Variants in AGBL4 observed in about 807,000 individuals in gnomAD.
AGBL4 encodes the protein AGBL carboxypeptidase 4.
A neutral mutation model predicts 66.4 loss-of-function variants in AGBL4; 58 were observed. That is an observed-to-expected ratio of 0.87 (90% CI 0.71 to 1.09). AGBL4 has a LOEUF of 1.09. Among genes scored for constraint, AGBL4 ranks in the 50% least tolerant of loss-of-function variants. AGBL4 has a pLI of 0.00. For synonymous variants in AGBL4, 234 were observed against 222.9 expected, an observed-to-expected ratio of 1.05 and a Z score of -0.44; for missense variants, 579 against 631.0, an observed-to-expected ratio of 0.92 and a Z score of 0.88.
chr1:49,095,918 G>A (rs1645090316), intron 4 of AGBL4, among the ~76,000 whole-genome samples: 1 of 151,722 alleles, frequency 6.6e-6, no homozygotes, highest in Non-Finnish European at 1.5e-5. Flanking sequence ...CAAAATGGGA[G>A]AAAATTTTTG....
At chr1:49,667,380 C>T (rs564345010) in intron 3 of AGBL4, among the ~76,000 whole-genome samples, 32 of 152,082 alleles carry the variant, frequency 2.1e-4, no homozygotes, top group African/African-American at 7.5e-4. Context: ...ATCACCTGAG[C>T]CGGGGAGGTC....
At chr1:49,153,549 AAT>A (rs1425343781) in intron 4 of AGBL4, among the ~76,000 whole-genome samples, 3 of 152,104 alleles carry the variant, frequency 2.0e-5, no homozygotes, top group African/African-American at 7.2e-5. Flanking sequence ...ACCACCATCT[AAT>A]AGAGTAAGTA....
chr1:48,674,616 T>A (rs1646335537), intron 6 of AGBL4, among the ~76,000 whole-genome samples: 1 of 152,164 alleles, frequency 6.6e-6, no homozygotes. Context: ...ACTAGCTGTG[T>A]TGTCTTGGGA....
intron 9 of AGBL4, among the ~76,000 whole-genome samples, chr1:48,625,786 G>A (rs554196372): frequency 6.6e-6 from 1 of 152,244 alleles, no homozygotes; most frequent in South Asian, 2.1e-4. Context: ...AATTGAAGGA[G>A]GCAACCTGCT....
chr1:49,463,712 A>T lies in AGBL4; in HGVS notation c.283-217848T>A, dbSNP rs1646564770. Among the ~76,000 whole-genome samples the T allele has an allele frequency of 1.3e-5, 2 of 151,824 alleles. 1 individual carries two copies. The highest frequency in any genetic ancestry group is 4.8e-5 in the African/African-American group (2 of 41,388). ...CTGACATAATAAGTAACTCACAAAC[A>T]AGGGGAGAGCCACATATTAATTTAA... On this transcript the variant is annotated intron_variant, in intron 3 of 13. Coordinates refer to ENST00000371839, the MANE Select transcript of AGBL4 (RefSeq NM_032785.4).
At chr1:48,626,943 G>T (rs1189154129) in intron 9 of AGBL4, among the ~76,000 whole-genome samples, 1 of 152,088 alleles carries the variant, frequency 6.6e-6, no homozygotes, top group African/African-American at 2.4e-5. Context: ...GCCATAGGGG[G>T]TAAAGAATTA....
chr1:49,257,382 C>G, intron 3 of AGBL4: 1 of 160,502 alleles, frequency 6.2e-6, no homozygotes, highest in Non-Finnish European at 1.3e-5. Flanking sequence ...ATGGCGGGCG[C>G]CCCTCCCCCA....
chr1:49,907,381 G>A (rs1488577127), intron 1 of AGBL4, among the ~76,000 whole-genome samples: 1 of 152,104 alleles, frequency 6.6e-6, no homozygotes, highest in African/African-American at 2.4e-5. Context: ...AGGAAAATGA[G>A]TGCAGGTTTT....
chr1:49,733,213 G>A (rs144341242), intron 2 of AGBL4, among the ~76,000 whole-genome samples: 3 of 152,226 alleles, frequency 2.0e-5, no homozygotes, highest in African/African-American at 7.2e-5. Context: ...AGAAGGAAAA[G>A]TAGAGACTTT....
At chr1:49,588,998 A>G (rs1337292451) in intron 3 of AGBL4, among the ~76,000 whole-genome samples, 5 of 152,166 alleles carry the variant, frequency 3.3e-5, no homozygotes, top group Non-Finnish European at 7.4e-5. Flanking sequence ...GGTAAATTCT[A>G]GTTCTGCCTT....
intron 3 of AGBL4, among the ~76,000 whole-genome samples, chr1:49,363,591 G>T (rs993528076): frequency 6.6e-6 from 1 of 152,138 alleles, no homozygotes; most frequent in African/African-American, 2.4e-5. Context: ...TTGCCACTAG[G>T]GGGGAGTTAC....
intron 1 of AGBL4, among the ~76,000 whole-genome samples, chr1:49,948,025 TAAATATATATAC>T (rs1212479181): frequency 3.1e-5 from 2 of 65,360 alleles, no homozygotes; most frequent in Admixed American, 2.2e-4. Context: ...TAAATATATA[TAAATATATATAC>T]ATATAAATAT....
chr1:49,119,163 G>A (rs1227681247), intron 4 of AGBL4, among the ~76,000 whole-genome samples: 1 of 152,018 alleles, frequency 6.6e-6, no homozygotes, highest in Non-Finnish European at 1.5e-5. Context: ...TGGATTCATT[G>A]ATTTTTTGAA....
intron 1 of AGBL4, among the ~76,000 whole-genome samples, chr1:49,976,925 C>G (rs1019394505): frequency 7.2e-5 from 11 of 152,172 alleles, no homozygotes; most frequent in Admixed American, 7.2e-4. Flanking sequence ...TTAGAAGATA[C>G]ATTGTGATGA....
intron 1 of AGBL4, among the ~76,000 whole-genome samples, chr1:49,888,131 T>C (rs903325263): frequency 6.6e-6 from 1 of 152,228 alleles, no homozygotes; most frequent in Non-Finnish European, 1.5e-5. Context: ...TTAACAAAGA[T>C]AAACATAGAT....
In AGBL4 at chr1:50,023,951, G is replaced by A. The variant is rs561463056; in HGVS notation, c.-155C>T. On this transcript the variant is annotated 5_prime_UTR_variant, in exon 1 of 14. Coordinates refer to ENST00000371839, the MANE Select transcript of AGBL4 (RefSeq NM_032785.4). Reference sequence around the variant, plus strand: ...GCAGGCGCGCGGGTGGCCGGCGCGCGGCTGAGGGCGGGAGGGACGCCTGGG... The same window carrying A: ...GCAGGCGCGCGGGTGGCCGGCGCGCAGCTGAGGGCGGGAGGGACGCCTGGG... The A allele has an allele frequency of 4.0e-6, 3 of 753,200 alleles. No individual in the cohort carries two copies. The highest frequency in any genetic ancestry group is 2.4e-5 in the South Asian group (1 of 41,776). 46.7% of individuals were successfully genotyped at this position (753,200 alleles called of 1,614,324 possible). A position where few individuals can be genotyped will look rare whatever the true frequency, so the allele number is the denominator to read the frequency against.
intron 3 of AGBL4, among the ~76,000 whole-genome samples, chr1:49,683,358 TTAAGCA>T (rs1646732086): frequency 6.6e-6 from 1 of 152,190 alleles, no homozygotes; most frequent in Non-Finnish European, 1.5e-5. Context: ...AGATATTATA[TTAAGCA>T]CTGCAGAAAC....
intron 3 of AGBL4, among the ~76,000 whole-genome samples, chr1:49,480,415 G>T (rs1285956808): frequency 1.3e-5 from 2 of 151,372 alleles, no homozygotes; most frequent in Non-Finnish European, 2.9e-5. Flanking sequence ...TCATAGGTTT[G>T]TTGGCCACTT....
intron 4 of AGBL4, among the ~76,000 whole-genome samples, chr1:49,241,151 A>T (rs1047245509): frequency 6.6e-6 from 1 of 152,054 alleles, no homozygotes; most frequent in African/African-American, 2.4e-5. Flanking sequence ...AATAATTTTC[A>T]TCCTCTCCAA....
Sources: gnomAD v4.1 joint callset for allele counts (sites outside exome capture counted in the v4.1 genomes callset) on GRCh38, gnomAD v4.1.1 for gene constraint, MANE v1.5 for transcripts, NCBI Gene and HGNC (gene_info 2026-07-23, HGNC 2026-07-21) for gene names.